ARL5C: variants seen among roughly 807,000 people sequenced by gnomAD.
The protein encoded by ARL5C is ARF like GTPase 5C.
Under a neutral mutation model 20.8 loss-of-function variants are expected in ARL5C, and 21 were observed. That is an observed-to-expected ratio of 1.01 (90% CI 0.72 to 1.46). ARL5C has a LOEUF of 1.46. Among genes scored for constraint, ARL5C ranks in the 40% most tolerant of loss-of-function variants. ARL5C has a pLI of 0.00. For synonymous variants in ARL5C, 71 were observed against 81.6 expected, an observed-to-expected ratio of 0.87 and a Z score of 0.70; for missense variants, 199 against 225.1, an observed-to-expected ratio of 0.88 and a Z score of 0.74.
chr17:39,163,390 C>CTTTCTTTCTT (rs1467186614), intron 2 of ARL5C, among the ~76,000 whole-genome samples: 2 of 146,932 alleles, frequency 1.4e-5, no homozygotes, highest in East Asian at 3.9e-4. Flanking sequence ...TTCTTTCTTT[C>CTTTCTTTCTT]TTTCTCTCTT....
At chr17:39,160,952 A>G (rs919804951) in intron 4 of ARL5C, among the ~76,000 whole-genome samples, 7 of 152,218 alleles carry the variant, frequency 4.6e-5, no homozygotes, top group Non-Finnish European at 7.3e-5. Flanking sequence ...TGACAATCCC[A>G]TAGGTGGGAA....
At chr17:39,162,664 A>G (rs1204157927) in intron 3 of ARL5C, 47 bp downstream of exon 3, 2 of 1,537,806 alleles carry the variant, frequency 1.3e-6, no homozygotes, top group East Asian at 4.9e-5. Flanking sequence ...ACAGTCTGAT[A>G]TCACACGCCT....
chr17:39,162,303 T>C (rs35430585), intron 3 of ARL5C, among the ~76,000 whole-genome samples: 6,904 of 152,262 alleles, frequency 0.045, 174 homozygotes, highest in Middle Eastern at 0.061. Flanking sequence ...TATGTATATA[T>C]AAAACTTTTT....
chr17:39,165,816 C>G lies in ARL5C; in HGVS notation c.-56G>C. 1.3e-6 allele frequency: 2 copies of G among 1,545,302 alleles called. No individual in the cohort carries two copies. Among genetic ancestry groups the G allele is most frequent in the Non-Finnish European group, 1.8e-6 (2 of 1,141,950 alleles). On this transcript the variant is annotated 5_prime_UTR_variant, in exon 1 of 6. Coordinates refer to ENST00000269586, the MANE Select transcript of ARL5C (RefSeq NM_001143968.1). ...GGCTCAGCGGCCTCAGGAGCGGAGT[C>G]GGCCCTGGTATTCGGAGCTCCGCTC...
At chr17:39,158,914 G>A (rs1430904304) in intron 5 of ARL5C, among the ~76,000 whole-genome samples, 1 of 150,540 alleles carries the variant, frequency 6.6e-6, no homozygotes, top group Non-Finnish European at 1.5e-5. Context: ...CTGGCCCCAA[G>A]CCATCCTCCT....
chr17:39,165,596 A>T, intron 1 of ARL5C, 119 bp downstream of exon 1: 2 of 1,285,228 alleles, frequency 1.6e-6, no homozygotes, highest in Non-Finnish European at 2.2e-6. Context: ...GCAGTCGAGG[A>T]GCGCCCATAT....
chr17:39,159,615 A>T (rs1056454259), intron 5 of ARL5C, among the ~76,000 whole-genome samples: 7 of 151,854 alleles, frequency 4.6e-5, no homozygotes, highest in African/African-American at 1.7e-4. Context: ...CTAACTGACT[A>T]TATATTTTTC....
At position 39,161,270 on chromosome 17, in the gene ARL5C, C is replaced by T. The variant is rs1463123343; in HGVS notation, c.337G>A (p.Glu113Lys). ...REELYKMLAH[E>K]ALQDASVLIF... ...TCTCCCAACTGCAGGGGGCTTACCTCATGGGCCAGCATTTTATATAGCTCC... is the reference window on the plus strand; with the variant it reads ...TCTCCCAACTGCAGGGGGCTTACCTTATGGGCCAGCATTTTATATAGCTCC... Residue 113 changes from glutamate (E) to lysine (K), a missense_variant and splice_region_variant, in exon 4 of 6, where the codon GAG (glutamate) becomes AAG (lysine). By Grantham distance (56) the Glu-to-Lys change is moderately conservative. Coordinates refer to ENST00000269586, the MANE Select transcript of ARL5C (RefSeq NM_001143968.1). 6.4e-7 allele frequency: 1 copy of T among 1,551,866 alleles called. No homozygotes were observed. Among genetic ancestry groups the T allele is most frequent in the Non-Finnish European group, 8.7e-7 (1 of 1,146,994 alleles).
chr17:39,165,207 C>T, intron 1 of ARL5C, 68 bp from the exon 2 acceptor site: 1 of 1,478,030 alleles, frequency 6.8e-7, no homozygotes, highest in Non-Finnish European at 9.2e-7. Context: ...GTGCCCCCAC[C>T]AGACCTCCCA....
chr17:39,165,437 C>T, intron 1 of ARL5C: 1 of 589,200 alleles, frequency 1.7e-6, no homozygotes, highest in African/African-American at 1.9e-5. Context: ...AAGTCACAAT[C>T]GCAGGAAACT....
intron 4 of ARL5C, among the ~76,000 whole-genome samples, 160 bp from the exon 5 acceptor site, chr17:39,160,902 C>T (rs549639839): frequency 3.3e-5 from 5 of 152,266 alleles, no homozygotes; most frequent in Middle Eastern, 3.4e-3. Context: ...TGGTAGCAAC[C>T]GTATCAAATA....
chr17:39,161,675 G>T (rs183922732), intron 3 of ARL5C, among the ~76,000 whole-genome samples: 1 of 151,892 alleles, frequency 6.6e-6, no homozygotes, highest in South Asian at 2.1e-4. Flanking sequence ...CACCACACCC[G>T]GCTAATTTTT....
At chr17:39,163,548 A>G (rs948289360) in intron 2 of ARL5C, among the ~76,000 whole-genome samples, 2 of 151,214 alleles carry the variant, frequency 1.3e-5, no homozygotes, top group Non-Finnish European at 2.9e-5. Context: ...GCACACCCCC[A>G]CGCCAGGCTT....
Position 39,161,305 on chromosome 17 carries a change from GTCA to G in ARL5C, c.299_301del (p.Leu100_Thr101delinsPro). 6.4e-7 allele frequency: 1 copy of G among 1,551,828 alleles called. No homozygotes were observed. Among genetic ancestry groups the G allele is most frequent in the South Asian group, 1.2e-5 (1 of 84,058 alleles). On this transcript the variant is annotated inframe_deletion, in exon 4 of 6. Coordinates refer to ENST00000269586, the MANE Select transcript of ARL5C (RefSeq NM_001143968.1). ...CATTTTATATAGCTCCTCCCGAGTGGTCAGCAGCCGATCCCGGTCCGTGCTGTC... is the reference window on the plus strand; with the variant it reads ...CATTTTATATAGCTCCTCCCGAGTGGGCAGCCGATCCCGGTCCGTGCTGTC...
chr17:39,163,408 TTC>T (rs889681323), intron 2 of ARL5C, among the ~76,000 whole-genome samples: 9 of 124,190 alleles, frequency 7.2e-5, no homozygotes, highest in African/African-American at 2.6e-4. Flanking sequence ...CTTTCTTTCC[TTC>T]TCTCTCTCTC....
At chr17:39,161,544 C>T (rs1033269918) in intron 3 of ARL5C, among the ~76,000 whole-genome samples, 193 bp from the exon 4 acceptor site, 2 of 150,008 alleles carry the variant, frequency 1.3e-5, no homozygotes, top group Non-Finnish European at 3.0e-5. Flanking sequence ...GGCGGAGTCT[C>T]GCTCTGTCAT....
In ARL5C at chr17:39,165,013, GT is replaced by G. The variant is rs2045455561; in HGVS notation, c.107+65del. The G allele has an allele frequency of 1.0e-5, 15 of 1,498,694 alleles. No individual in the cohort carries two copies. In the South Asian group the frequency reaches 1.7e-4, roughly 17 times the overall value. The allele number at this position is 1,498,694 out of a possible 1,614,324, so 92.8% of individuals were successfully genotyped here. ...ACCCAGGGAAGAGCTCCAGTGATTG[GT>G]CCCCCTGCCTGTCAGTCTGGTGGGA... On this transcript the variant is annotated intron_variant, in intron 2 of 5. Transcript: ENST00000269586.
At chr17:39,163,382 C>CTTTCTTTCTTTCTTTCTTTCTT (rs1555576151) in intron 2 of ARL5C, among the ~76,000 whole-genome samples, 1 of 142,530 alleles carries the variant, frequency 7.0e-6, no homozygotes, top group African/African-American at 2.5e-5. Flanking sequence ...TTCTTTCTTT[C>CTTTCTTTCTTTCTTTCTTTCTT]TTTCTTTCTT....
chr17:39,157,751 T>C (rs939056822), intron 5 of ARL5C, among the ~76,000 whole-genome samples: 10 of 148,028 alleles, frequency 6.8e-5, no homozygotes, highest in African/African-American at 2.3e-4. Flanking sequence ...GATCATGCTA[T>C]TGCACTCCAG....
Sources: gnomAD v4.1 joint callset for allele counts (sites outside exome capture counted in the v4.1 genomes callset) on GRCh38, gnomAD v4.1.1 for gene constraint, MANE v1.5 for transcripts, NCBI Gene and HGNC (gene_info 2026-07-23, HGNC 2026-07-21) for gene names.